Variants in ARFGAP3 observed in about 807,000 individuals in gnomAD.
ARFGAP3 encodes the protein ADP-ribosylation factor GTPase-activating protein 3.
In ARFGAP3, 72 loss-of-function variants were observed where a neutral mutation model predicts 75.0. The observed-to-expected ratio is 0.96, with a 90% CI of 0.79 to 1.17. ARFGAP3 has a LOEUF of 1.17. Ranked by LOEUF, ARFGAP3 falls within the 50% of genes most tolerant of loss-of-function variation. The probability of loss-of-function intolerance (pLI) is 0.00; values close to 1 mark genes in which losing one functional copy is unlikely to be tolerated. For synonymous variants in ARFGAP3, 221 were observed against 217.9 expected, an observed-to-expected ratio of 1.01 and a Z score of -0.13; for missense variants, 620 against 626.6, an observed-to-expected ratio of 0.99 and a Z score of 0.11.
At chr22:42,837,675 C>CTTTTTTTTTTTTTT (rs71186547) in intron 3 of ARFGAP3, among the ~76,000 whole-genome samples, 907 of 75,632 alleles carry the variant, frequency 0.012, 168 homozygotes, top group East Asian at 0.1. Flanking sequence ...AGGCATACTT[C>CTTTTTTTTTTTTTT]TTTTTTTTTT....
At chr22:42,826,640 T>C (rs1926051194) in intron 7 of ARFGAP3, among the ~76,000 whole-genome samples, 1 of 152,122 alleles carries the variant, frequency 6.6e-6, no homozygotes, top group Non-Finnish European at 1.5e-5. Flanking sequence ...GCTCAAGCGA[T>C]CTGACCACCT....
At chr22:42,851,557 G>A (rs1304478453) in intron 1 of ARFGAP3, among the ~76,000 whole-genome samples, 1 of 152,230 alleles carries the variant, frequency 6.6e-6, no homozygotes, top group Admixed American at 6.5e-5. Flanking sequence ...GCAGTTTATA[G>A]GGGTAGAGGA....
intron 4 of ARFGAP3, 142 bp from the exon 5 acceptor site, chr22:42,834,467 A>T: frequency 7.0e-7 from 1 of 1,426,402 alleles, no homozygotes; most frequent in Non-Finnish European, 9.3e-7. Context: ...ATCCCTACAG[A>T]GGACCTCTGC....
chr22:42,827,648 G>A (rs570176933), intron 6 of ARFGAP3, among the ~76,000 whole-genome samples: 1 of 152,338 alleles, frequency 6.6e-6, no homozygotes, highest in African/African-American at 2.4e-5. Flanking sequence ...TTACAGGCGT[G>A]AGCCACTGAA....
intron 8 of ARFGAP3, 48 bp from the exon 9 acceptor site, chr22:42,822,457 C>T (rs5758957): frequency 0.57 from 910,741 of 1,589,766 alleles, 266,660 homozygotes; most frequent in African/African-American, 0.84. Flanking sequence ...TTGAAAGCTT[C>T]TGTGACTACA....
chr22:42,797,658 C>G (rs1381804102), intron 15 of ARFGAP3, 53 bp from the exon 16 acceptor site: 1 of 1,613,752 alleles, frequency 6.2e-7, no homozygotes, highest in African/African-American at 1.3e-5. Context: ...CGATCCCTGA[C>G]TCCCACGCCC....
chr22:42,828,736 G>A (rs922477882), intron 6 of ARFGAP3, among the ~76,000 whole-genome samples: 5 of 146,100 alleles, frequency 3.4e-5, no homozygotes, highest in African/African-American at 1.3e-4. Flanking sequence ...CCCAGGCGGA[G>A]TGTAGTGGTG....
intron 1 of ARFGAP3, among the ~76,000 whole-genome samples, chr22:42,854,401 G>C (rs547232211): frequency 2.0e-5 from 3 of 152,296 alleles, no homozygotes; most frequent in African/African-American, 7.2e-5. Context: ...GAGACAGGCG[G>C]ATCACTTTAG....
At chr22:42,839,558 A>G (rs1926687247) in intron 3 of ARFGAP3, among the ~76,000 whole-genome samples, 1 of 149,408 alleles carries the variant, frequency 6.7e-6, no homozygotes, top group Admixed American at 6.8e-5. Flanking sequence ...AGATGGCGCC[A>G]CTGCACTCCA....
At position 42,808,762 on chromosome 22, in the gene ARFGAP3, C is replaced by A; in HGVS notation, c.1320+5G>T. ...GGCACCCAAAGAAACTCTCTGGACC[C>A]TTACATCAGCCTGGGATTGTCTTCC... On this transcript the variant is annotated splice_donor_5th_base_variant and intron_variant, in intron 13 of 15. Coordinates refer to ENST00000263245, the MANE Select transcript of ARFGAP3 (RefSeq NM_014570.5). The A allele has an allele frequency of 6.2e-7, 1 of 1,608,538 alleles. No homozygotes were observed. The highest frequency in any genetic ancestry group is 1.1e-5 in the South Asian group (1 of 90,144).
chr22:42,827,090 ATCT>A (rs1926075270), intron 6 of ARFGAP3, 91 bp from the exon 7 acceptor site: 2 of 1,387,848 alleles, frequency 1.4e-6, no homozygotes, highest in South Asian at 2.7e-5. Flanking sequence ...TCAGTGCTAC[ATCT>A]TATCCAATTT....
chr22:42,816,771 A>T (rs957690774), intron 11 of ARFGAP3, among the ~76,000 whole-genome samples: 15 of 152,318 alleles, frequency 9.8e-5, no homozygotes, highest in African/African-American at 3.6e-4. Flanking sequence ...GGCATTCTGA[A>T]GCACAGAAAT....
In ARFGAP3 at chr22:42,848,621, T is replaced by C. The variant is rs528806411; in HGVS notation, c.70-989A>G. On this transcript the variant is annotated intron_variant, in intron 1 of 15. Transcript: ENST00000263245. Reference sequence around the variant, plus strand: ...GCATCAGCAGGGATCCTACCAGTCATGTAAAGGAATGCTAGTGAGGGAAGC... The same window carrying C: ...GCATCAGCAGGGATCCTACCAGTCACGTAAAGGAATGCTAGTGAGGGAAGC... 5.0e-4 allele frequency among the ~76,000 whole-genome samples: 76 copies of C among 151,926 alleles called. 1 individual carries two copies. The highest frequency in any genetic ancestry group is 2.6e-3 in the Admixed American group (40 of 15,292).
chr22:42,843,778 C>T (rs879618735), intron 2 of ARFGAP3, among the ~76,000 whole-genome samples: 29 of 152,118 alleles, frequency 1.9e-4, no homozygotes, highest in African/African-American at 2.7e-4. Flanking sequence ...TAACGGCAAA[C>T]TTGAGAAAAA....
chr22:42,838,489 G>T (rs1926637158), intron 3 of ARFGAP3, among the ~76,000 whole-genome samples: 1 of 150,986 alleles, frequency 6.6e-6, no homozygotes, highest in African/African-American at 2.4e-5. Context: ...GTACGATGAG[G>T]TCTCACTATG....
At chr22:42,832,814 C>T (rs776434527) in intron 5 of ARFGAP3, among the ~76,000 whole-genome samples, 5 of 151,714 alleles carry the variant, frequency 3.3e-5, no homozygotes, top group Admixed American at 6.6e-5. Flanking sequence ...GGCGAAACCC[C>T]GTCTCCACTA....
Position 42,847,589 on chromosome 22 carries a change from A to C in ARFGAP3, c.113T>G (p.Ile38Arg), listed in dbSNP as rs757314118. Reference sequence around the variant, plus strand: ...AATGCAAAGGAACACTCCATAGGTTATGCTTGCCCAGCTGGGATTTTTGGC... The same window carrying C: ...AATGCAAAGGAACACTCCATAGGTTCTGCTTGCCCAGCTGGGATTTTTGGC... The part of the protein sequence containing the change: ...CGAKNPSWAS[I>R]TYGVFLCIDC... Residue 38 changes from isoleucine (I) to arginine (R), a missense_variant, in exon 2 of 16, where the codon ATA becomes AGA. Coordinates refer to ENST00000263245, the MANE Select transcript of ARFGAP3 (RefSeq NM_014570.5). 1.9e-6 allele frequency: 3 copies of C among 1,613,110 alleles called. No homozygotes were observed. The highest frequency in any genetic ancestry group is 2.5e-6 in the Non-Finnish European group (3 of 1,179,508).
intron 14 of ARFGAP3, among the ~76,000 whole-genome samples, chr22:42,802,608 T>TAATAGAATACCATG (rs1924922593): frequency 6.8e-6 from 1 of 147,594 alleles, no homozygotes; most frequent in Non-Finnish European, 1.5e-5. Context: ...TAAGAATTTT[T>TAATAGAATACCATG]TTTTTTTTTT....
chr22:42,825,231 G>A (rs1925985198), intron 7 of ARFGAP3, among the ~76,000 whole-genome samples: 1 of 151,958 alleles, frequency 6.6e-6, no homozygotes. Flanking sequence ...CTCCAGCATG[G>A]GCAATAAAGC....
Sources: gnomAD v4.1 joint callset for allele counts (sites outside exome capture counted in the v4.1 genomes callset) on GRCh38, gnomAD v4.1.1 for gene constraint, MANE v1.5 for transcripts, NCBI Gene and HGNC (gene_info 2026-07-23, HGNC 2026-07-21) for gene names.